SEMA3A: variants seen among roughly 807,000 people sequenced by gnomAD.
SEMA3A encodes semaphorin 3A.
Under a neutral mutation model 97.9 loss-of-function variants are expected in SEMA3A, and 29 were observed. The ratio of observed to expected loss-of-function variants is 0.30; its 90% CI spans 0.22 to 0.40. The LOEUF (loss-of-function observed/expected upper bound fraction) is 0.40, where lower values mean the gene tolerates loss of function less well. Among genes scored for constraint, SEMA3A ranks in the 10% least tolerant of loss-of-function variants. SEMA3A has a pLI of 1.00. For synonymous variants in SEMA3A, 321 were observed against 323.7 expected, an observed-to-expected ratio of 0.99 and a Z score of 0.09; for missense variants, 763 against 951.3, an observed-to-expected ratio of 0.80 and a Z score of 2.60.
intron 14 of SEMA3A, among the ~76,000 whole-genome samples, chr7:83,977,900 T>TTCATGCCATTCTCCTGCC (rs1484845886): frequency 2.0e-5 from 3 of 150,196 alleles, no homozygotes; most frequent in Non-Finnish European, 4.4e-5. Context: ...GCCTCCCGGG[T>TTCATGCCATTCTCCTGCC]TCATGCCATT....
intron 4 of SEMA3A, among the ~76,000 whole-genome samples, chr7:84,072,271 A>G (rs1451356555): frequency 1.3e-5 from 2 of 152,120 alleles, no homozygotes; most frequent in Non-Finnish European, 2.9e-5. Context: ...GCTTATCAAT[A>G]AATATTACCC....
At chr7:84,475,585 A>G (rs918380226) in intron 1 of SEMA3A, among the ~76,000 whole-genome samples, 2 of 152,230 alleles carry the variant, frequency 1.3e-5, no homozygotes, top group African/African-American at 4.8e-5. Context: ...TTTAAAAAGA[A>G]AATTCACATA....
At chr7:84,087,268 T>C (rs1562770916) in intron 4 of SEMA3A, among the ~76,000 whole-genome samples, 1 of 152,198 alleles carries the variant, frequency 6.6e-6, no homozygotes, top group Non-Finnish European at 1.5e-5. Context: ...TTTGTGTTAT[T>C]TAACATTTTA....
intron 3 of SEMA3A, among the ~76,000 whole-genome samples, chr7:84,297,521 C>G (rs1800901484): frequency 1.3e-5 from 2 of 152,140 alleles, no homozygotes; most frequent in Non-Finnish European, 2.9e-5. Flanking sequence ...TACTTTTCAA[C>G]TTTCATAGTA....
chr7:84,158,874 T>A (rs1796936202), intron 1 of SEMA3A, among the ~76,000 whole-genome samples: 1 of 150,742 alleles, frequency 6.6e-6, no homozygotes, highest in African/African-American at 2.4e-5. Context: ...AAAGAAAATT[T>A]GTAGATTTTC....
intron 2 of SEMA3A, among the ~76,000 whole-genome samples, chr7:84,342,795 T>C (rs1156899039): frequency 6.6e-6 from 1 of 152,124 alleles, no homozygotes; most frequent in East Asian, 1.9e-4. Flanking sequence ...AGACAGTGGG[T>C]AAGGAATTAT....
At chr7:84,076,625 G>A (rs1011639370) in intron 4 of SEMA3A, among the ~76,000 whole-genome samples, 3 of 152,074 alleles carry the variant, frequency 2.0e-5, no homozygotes, top group Non-Finnish European at 4.4e-5. Context: ...ACAGATAATG[G>A]TGTATTTAAC....
chr7:84,257,792 T>C (rs1235769725), intron 3 of SEMA3A, among the ~76,000 whole-genome samples: 1 of 152,168 alleles, frequency 6.6e-6, no homozygotes, highest in Non-Finnish European at 1.5e-5. Context: ...AAAGTATATG[T>C]TTTTATTCAT....
intron 5 of SEMA3A, among the ~76,000 whole-genome samples, chr7:84,055,659 C>G (rs750853546): frequency 3.3e-5 from 5 of 152,202 alleles, no homozygotes; most frequent in South Asian, 2.1e-4. Context: ...AGAAATCACC[C>G]GTCTTCTGCG....
At chr7:84,225,999 T>TA in intron 3 of SEMA3A, among the ~76,000 whole-genome samples, 1 of 152,262 alleles carries the variant, frequency 6.6e-6, no homozygotes, top group South Asian at 2.1e-4. Flanking sequence ...GAAAGCCATA[T>TA]AAAAATGTAT....
At chr7:84,377,485 T>C (rs1803132551) in intron 1 of SEMA3A, among the ~76,000 whole-genome samples, 1 of 152,198 alleles carries the variant, frequency 6.6e-6, no homozygotes, top group African/African-American at 2.4e-5. Context: ...GCCAGCACTA[T>C]GCTGTTTGGG....
At position 83,973,682 on chromosome 7, in the gene SEMA3A, C is replaced by T. The variant is rs530631148; in HGVS notation, c.1717+3450G>A. Among the ~76,000 whole-genome samples, 14 of 152,128 alleles carry T rather than the reference C, an allele frequency of 9.2e-5. No homozygotes were observed. In the South Asian group the frequency reaches 2.9e-3, roughly 32 times the overall value. ...ATTTTGGAATGATTCTGATGCCAACCAAGATATAAATTGAGATGGACAGTT... is the reference window on the plus strand; with the variant it reads ...ATTTTGGAATGATTCTGATGCCAACTAAGATATAAATTGAGATGGACAGTT... On this transcript the variant is annotated intron_variant, in intron 15 of 16. Transcript: ENST00000265362.
intron 4 of SEMA3A, among the ~76,000 whole-genome samples, chr7:84,071,999 G>C (rs1793759906): frequency 6.6e-6 from 1 of 152,016 alleles, no homozygotes; most frequent in South Asian, 2.1e-4. Flanking sequence ...ACACAATTGT[G>C]TAGGAGATGT....
In SEMA3A at chr7:84,321,884, AAAAAAAAAAAAAAAAG is replaced by A. The variant is rs1441832155; in HGVS notation, c.-168-14608_-168-14593del. Among the ~76,000 whole-genome samples, 902 of 137,632 alleles carry A rather than the reference AAAAAAAAAAAAAAAAG, an allele frequency of 6.6e-3. 24 individuals are homozygous for A. Among genetic ancestry groups the A allele is most frequent in the East Asian group, 0.026 (118 of 4,540 alleles). The allele number at this position is 137,632 out of a possible 152,430, so 90.3% of individuals were successfully genotyped here. A position where few individuals can be genotyped will look rare whatever the true frequency, so the allele number is the denominator to read the frequency against. ...GAGCGAGACTACGGAAAAAAAAAAA[AAAAAAAAAAAAAAAAG>A]AAGAAGAAGAAGGAGGAAATACCTG... On this transcript the variant is annotated intron_variant, in intron 2 of 3. Transcript: ENST00000424555.
chr7:84,047,907 C>T (rs1201653070), intron 5 of SEMA3A, among the ~76,000 whole-genome samples: 1 of 151,768 alleles, frequency 6.6e-6, no homozygotes, highest in Non-Finnish European at 1.5e-5. Flanking sequence ...TTGGTAGAAC[C>T]TTTGTCTCGC....
intron 2 of SEMA3A, among the ~76,000 whole-genome samples, chr7:84,357,666 G>A (rs1289886401): frequency 6.6e-6 from 1 of 151,884 alleles, no homozygotes; most frequent in African/African-American, 2.4e-5. Flanking sequence ...TGGGATGGCT[G>A]GGTCAGATAG....
intron 1 of SEMA3A, among the ~76,000 whole-genome samples, chr7:84,404,167 A>G (rs1181998427): frequency 6.6e-6 from 1 of 152,184 alleles, no homozygotes; most frequent in African/African-American, 2.4e-5. Flanking sequence ...ACGAATGGAT[A>G]ACTGGAATAA....
chr7:84,288,112 C>CT (rs901278442), intron 3 of SEMA3A, among the ~76,000 whole-genome samples: 3 of 151,692 alleles, frequency 2.0e-5, no homozygotes, highest in Non-Finnish European at 2.9e-5. Context: ...CATAGTTAAT[C>CT]TTTTTTTTAA....
intron 3 of SEMA3A, among the ~76,000 whole-genome samples, chr7:84,280,085 G>C (rs1442362071): frequency 6.6e-6 from 1 of 152,030 alleles, no homozygotes; most frequent in Non-Finnish European, 1.5e-5. Context: ...TTTTTGGAGA[G>C]AGGAGGTTTC....
Sources: gnomAD v4.1 joint callset for allele counts (sites outside exome capture counted in the v4.1 genomes callset) on GRCh38, gnomAD v4.1.1 for gene constraint, MANE v1.5 for transcripts, NCBI Gene and HGNC (gene_info 2026-07-23, HGNC 2026-07-21) for gene names.